Variants in PIEZO2 observed in about 807,000 individuals in gnomAD.
PIEZO2 encodes the protein piezo type mechanosensitive ion channel component 2.
In PIEZO2, 172 loss-of-function variants were observed where a neutral mutation model predicts 337.3. The ratio of observed to expected loss-of-function variants is 0.51; its 90% confidence interval spans 0.45 to 0.58. PIEZO2 has a LOEUF of 0.58. PIEZO2 is among the 20% of genes least tolerant of loss of function. PIEZO2 has a pLI of 0.00. For synonymous variants in PIEZO2, 1,251 were observed against 1,228.5 expected, an observed-to-expected ratio of 1.02 and a Z score of -0.38; for missense variants, 3,028 against 3,391.3, an observed-to-expected ratio of 0.89 and a Z score of 2.66.
At chr18:11,122,008 C>T (rs1400635351) in intron 1 of PIEZO2, among the ~76,000 whole-genome samples, 1 of 152,096 alleles carries the variant, frequency 6.6e-6, no homozygotes, top group African/African-American at 2.4e-5. Context: ...GGCTGGAGTG[C>T]AGTGGCGCTA....
rs1864638505 is a variant in PIEZO2 at position 10,968,330 on chromosome 18, C to T, written c.286+11205G>A. On this transcript the variant is annotated intron_variant, in intron 3 of 55. Transcript: ENST00000674853. ...CTATGTGCCTATTTTAATACCAGTA[C>T]CATGCTGTTTTGATGACTATGGTCT... Among the ~76,000 whole-genome samples the T allele has an allele frequency of 2.6e-5, 4 of 152,120 alleles. No homozygotes were observed. In the South Asian group the frequency reaches 8.3e-4, roughly 32 times the overall value.
chr18:11,051,858 G>A (rs1349701490), intron 2 of PIEZO2, among the ~76,000 whole-genome samples: 1 of 152,210 alleles, frequency 6.6e-6, no homozygotes, highest in African/African-American at 2.4e-5. Context: ...GTGCATGACT[G>A]GAGGAAGCAT....
At chr18:10,936,348 G>A (rs1005853438) in intron 3 of PIEZO2, among the ~76,000 whole-genome samples, 3 of 152,154 alleles carry the variant, frequency 2.0e-5, no homozygotes, top group Admixed American at 6.5e-5. Context: ...TAAAGGTGGA[G>A]CTTGTCTTGG....
At chr18:10,680,110 A>G in intron 52 of PIEZO2, 89 bp downstream of exon 52, 1 of 1,184,932 alleles carries the variant, frequency 8.4e-7, no homozygotes, top group Non-Finnish European at 1.2e-6. Flanking sequence ...TAAAGTTCCC[A>G]TTCTTCCATC....
rs553667230 is a variant in PIEZO2, at chr18:11,066,837, T to C, written c.65-615A>G. On this transcript the variant is annotated intron_variant, in intron 1 of 55. Transcript: ENST00000674853. ...CTGGTCTTGAACTCTTGACCTCAGG[T>C]AATCTGCCCACCTCAGCCTCCCAAA... Among the ~76,000 whole-genome samples the C allele has an allele frequency of 3.3e-5, 5 of 152,320 alleles. No homozygotes were observed. The South Asian group carries it at 1.0e-3, about 32-fold the overall frequency.
At position 10,795,143 on chromosome 18, in the gene PIEZO2, G is replaced by A. The variant is rs931356669; in HGVS notation, c.1528-141C>T. On this transcript the variant is annotated intron_variant, in intron 12 of 55. Transcript: ENST00000674853. This position sits in a 1 kb window ranked among gnomAD's most constrained non-coding sequence, Gnocchi z 4.4. Reference sequence around the variant, plus strand: ...AGTAGAGAGTTGTGGTGGAGTGATGGAGACCCCAAGCCGTGGAGTGGTGGC... The same window carrying A: ...AGTAGAGAGTTGTGGTGGAGTGATGAAGACCCCAAGCCGTGGAGTGGTGGC... The A allele has an allele frequency of 2.8e-5, 20 of 725,472 alleles. No individual in the cohort carries two copies. In the African/African-American group the frequency reaches 3.0e-4, roughly 11 times the overall value. 44.9% of individuals were successfully genotyped at this position (725,472 alleles called of 1,614,324 possible). A position where few individuals can be genotyped will look rare whatever the true frequency, so the allele number is the denominator to read the frequency against.
At chr18:11,073,056 C>T (rs1474763598) in intron 1 of PIEZO2, among the ~76,000 whole-genome samples, 1 of 152,204 alleles carries the variant, frequency 6.6e-6, no homozygotes, top group African/African-American at 2.4e-5. Flanking sequence ...AATCAAAATA[C>T]ATATATTAAG....
intron 3 of PIEZO2, among the ~76,000 whole-genome samples, chr18:10,933,867 G>A (rs2032226286): frequency 6.6e-6 from 1 of 152,188 alleles, no homozygotes; most frequent in Non-Finnish European, 1.5e-5. Context: ...TTTACAAAGG[G>A]GAGTTCCCCT....
intron 1 of PIEZO2, among the ~76,000 whole-genome samples, chr18:11,073,301 C>A (rs2038412650): frequency 6.6e-6 from 1 of 152,162 alleles, no homozygotes; most frequent in Non-Finnish European, 1.5e-5. Flanking sequence ...TAGCTAGAGC[C>A]TCACTTATAA....
chr18:10,972,109 A>G (rs529527980), intron 3 of PIEZO2, among the ~76,000 whole-genome samples: 3 of 150,722 alleles, frequency 2.0e-5, no homozygotes, highest in Non-Finnish European at 3.0e-5. Context: ...CCTGGCCAAC[A>G]TGGTGAAACC....
chr18:10,905,854 G>T (rs1598661725), intron 4 of PIEZO2, among the ~76,000 whole-genome samples: 1 of 152,146 alleles, frequency 6.6e-6, no homozygotes, highest in East Asian at 1.9e-4. Flanking sequence ...AGATTAGCTA[G>T]TATATATCAG....
At chr18:10,725,555 T>C in intron 36 of PIEZO2, 1 of 1,374,072 alleles carries the variant, frequency 7.3e-7, no homozygotes, top group South Asian at 1.4e-5. Context: ...CTCCCCCTTT[T>C]GTTTCTCCCC....
At chr18:10,927,175 T>C (rs79298214) in intron 3 of PIEZO2, among the ~76,000 whole-genome samples, 1,683 of 152,370 alleles carry the variant, frequency 0.011, 33 homozygotes, top group African/African-American at 0.038. Context: ...CCATGTTATC[T>C]GATTCGTCTT....
Position 11,148,463 on chromosome 18 carries a change from TC to T in PIEZO2, c.64+61del. ...CAGAGCCCTTCACTTTGTTAAGAAG[TC>T]CCCCACCCAGGCGCCCCCCTCGTCC... is the stretch of plus-strand genomic sequence containing the variant. On this transcript the variant is annotated intron_variant, in intron 1 of 55. Coordinates refer to ENST00000674853, the MANE Select transcript of PIEZO2 (RefSeq NM_001378183.1). This position sits in a 1 kb window ranked among gnomAD's most constrained non-coding sequence, Gnocchi z 5.2. 6.6e-7 allele frequency: 1 copy of T among 1,507,762 alleles called. No homozygotes were observed. The highest frequency in any genetic ancestry group is 8.9e-7 in the Non-Finnish European group (1 of 1,120,752). 93.4% of individuals were successfully genotyped at this position (1,507,762 alleles called of 1,614,324 possible). A position where few individuals can be genotyped will look rare whatever the true frequency, so the allele number is the denominator to read the frequency against.
rs114682950 is a variant in PIEZO2 at position 10,913,306 on chromosome 18, G to T, written c.287-2078C>A. On this transcript the variant is annotated intron_variant, in intron 3 of 55. Coordinates refer to ENST00000674853, the MANE Select transcript of PIEZO2 (RefSeq NM_001378183.1). ...TGTTCAAGAACCGTGGCAACTGCCT[G>T]CCTAGACTATGAGGTGGGAGAGATG... Among the ~76,000 whole-genome samples the T allele has an allele frequency of 9.8e-3, 1,492 of 152,158 alleles. 26 individuals are homozygous for T. The highest frequency in any genetic ancestry group is 0.034 in the African/African-American group (1,399 of 41,518).
rs145654935 is a variant in PIEZO2, at chr18:10,714,281, C to A, written c.5423+483G>T. On this transcript the variant is annotated intron_variant, in intron 39 of 55. Transcript: ENST00000674853. ...CAATCCTGTTGTGAAACAATGCATA[C>A]AATAGTAAACTCAGAGAAGATGGAA... 1.5e-4 allele frequency among the ~76,000 whole-genome samples: 23 copies of A among 152,136 alleles called. No individual in the cohort carries two copies. The East Asian group carries it at 3.1e-3, about 20-fold the overall frequency.
chr18:11,081,787 T>C (rs2038750899), intron 1 of PIEZO2, among the ~76,000 whole-genome samples: 1 of 145,138 alleles, frequency 6.9e-6, no homozygotes, highest in African/African-American at 2.6e-5. Flanking sequence ...TGAGATGGAG[T>C]CTTGCTCTGT....
intron 53 of PIEZO2, among the ~76,000 whole-genome samples, chr18:10,675,903 T>C (rs1322927170): frequency 2.0e-5 from 3 of 152,184 alleles, no homozygotes; most frequent in African/African-American, 7.2e-5. Context: ...CCCACCGCCA[T>C]GTAAGATGTG....
chr18:10,767,936 C>T lies in PIEZO2; in HGVS notation c.2946+2212G>A, dbSNP rs1463112390. Among the ~76,000 whole-genome samples the T allele has an allele frequency of 6.6e-6, 1 of 152,216 alleles. No homozygotes were observed. The highest frequency in any genetic ancestry group is 1.5e-5 in the Non-Finnish European group (1 of 68,042). ...CCAGTTGCCAGCCCAGAGCGTGAGG[C>T]CATCATGGGATGGCACAGGCCAAGT... On this transcript the variant is annotated intron_variant, in intron 21 of 55. Transcript: ENST00000674853. This position sits in a 1 kb window ranked among gnomAD's most constrained non-coding sequence, Gnocchi z 4.2.
Sources: allele counts gnomAD v4.1 joint callset (sites outside exome capture counted in the v4.1 genomes callset), GRCh38; gene constraint gnomAD v4.1.1; non-coding constraint Gnocchi (gnomAD v3.1); transcripts MANE v1.5; gene names NCBI Gene and HGNC (gene_info 2026-07-23, HGNC 2026-07-21).